SAMSN1: variants seen among roughly 807,000 people sequenced by gnomAD.
SAMSN1 encodes SAM domain-containing protein SAMSN-1.
Under a neutral mutation model 42.0 loss-of-function variants are expected in SAMSN1, and 31 were observed. The ratio of observed to expected loss-of-function variants is 0.74; its 90% CI spans 0.55 to 1.00. The LOEUF is 1.00. SAMSN1 is among the 50% of genes least tolerant of loss of function. The pLI is 0.00. For synonymous variants in SAMSN1, 178 were observed against 151.9 expected (o/e 1.17, Z -1.26); for missense variants, 464 against 439.4 (o/e 1.06, Z -0.50).
upstream of SAMSN1, chr21:14,585,414 C>A (rs1315430522): frequency 6.6e-6 from 1 of 152,202 alleles, no homozygotes; most frequent in Admixed American, 6.5e-5. Context: ...GTCTTCTCTT[C>A]TCCCTTTGTG....
At chr21:14,527,101 A>G (rs1478696110) in intron 1 of SAMSN1, among the ~76,000 whole-genome samples, 2 of 152,000 alleles carry the variant, frequency 1.3e-5, no homozygotes, top group Non-Finnish European at 2.9e-5. Flanking sequence ...AATTACACAC[A>G]CTCTCCCAAC....
intron 2 of SAMSN1, among the ~76,000 whole-genome samples, chr21:14,574,918 A>T (rs2123226198): frequency 6.6e-6 from 1 of 152,132 alleles, no homozygotes; most frequent in Non-Finnish European, 1.5e-5. Context: ...GTCTGGCGAG[A>T]CCTTTTTTCA....
intron 4 of SAMSN1, among the ~76,000 whole-genome samples, chr21:14,511,593 G>C (rs570670488): frequency 1.3e-5 from 2 of 152,278 alleles, no homozygotes; most frequent in South Asian, 4.1e-4. Flanking sequence ...TACATCTTCA[G>C]ATAACAGAAG....
At chr21:14,537,103 C>T (rs1252776140) in intron 1 of SAMSN1, among the ~76,000 whole-genome samples, 5 of 152,216 alleles carry the variant, frequency 3.3e-5, no homozygotes, top group African/African-American at 9.7e-5. Context: ...TCAACACTAG[C>T]TAAAATTATT....
intron 3 of SAMSN1, among the ~76,000 whole-genome samples, chr21:14,515,089 A>T (rs1568779699): frequency 6.6e-6 from 1 of 152,150 alleles, no homozygotes; most frequent in Non-Finnish European, 1.5e-5. Context: ...AGAAAAGTGG[A>T]TGTTTTATAT....
intron 2 of SAMSN1, among the ~76,000 whole-genome samples, chr21:14,580,534 A>G (rs1036742879): frequency 3.3e-5 from 5 of 152,228 alleles, no homozygotes; most frequent in African/African-American, 1.2e-4. Context: ...ACTCTAAGAG[A>G]AAACCTGCAA....
chr21:14,615,994 G>A, exon 3 of SAMSN1: 2 of 586,012 alleles, frequency 3.4e-6, no homozygotes, highest in Admixed American at 2.6e-5. Context: ...TTTTGGTTTT[G>A]CATTCTCTAA....
intron 2 of SAMSN1, among the ~76,000 whole-genome samples, chr21:14,622,420 T>A (rs912533371): frequency 2.0e-5 from 3 of 152,156 alleles, no homozygotes; most frequent in African/African-American, 7.2e-5. Flanking sequence ...TGTAGAGAAG[T>A]CCTTAAATGA....
At chr21:14,642,357 T>A (rs1983616362) in intron 2 of SAMSN1, among the ~76,000 whole-genome samples, 1 of 152,246 alleles carries the variant, frequency 6.6e-6, no homozygotes, top group South Asian at 2.1e-4. Flanking sequence ...TGCCAGTTTG[T>A]AACACTTACC....
At chr21:14,588,637 C>T (rs1981995154) in intron 7 of SAMSN1, among the ~76,000 whole-genome samples, 1 of 152,202 alleles carries the variant, frequency 6.6e-6, no homozygotes, top group Non-Finnish European at 1.5e-5. Context: ...CTCATCCCAT[C>T]TTCTTCAACT....
Position 14,623,555 on chromosome 21 carries a change from C to T in SAMSN1, c.157-7539G>A, listed in dbSNP as rs189602433. Among the ~76,000 whole-genome samples, 59 of 152,280 alleles carry T rather than the reference C, an allele frequency of 3.9e-4. 1 individual carries two copies. Among genetic ancestry groups the T allele is most frequent in the African/African-American group, 1.4e-3 (57 of 41,560 alleles). On this transcript the variant is annotated intron_variant, in intron 2 of 15. Coordinates refer to the SAMSN1 transcript ENST00000647101. ...GACCATTACATAATAGTAAAGGGAT[C>T]AATTCAACAAGAAGAACTAACTATC...
intron 1 of SAMSN1, among the ~76,000 whole-genome samples, chr21:14,649,389 A>G (rs968062328): frequency 6.6e-6 from 1 of 152,056 alleles, no homozygotes; most frequent in African/African-American, 2.4e-5. Context: ...TAACCTGCAC[A>G]TTGTGCACAT....
intron 2 of SAMSN1, among the ~76,000 whole-genome samples, chr21:14,517,262 A>G (rs907341572): frequency 1.3e-5 from 2 of 152,238 alleles, no homozygotes; most frequent in East Asian, 3.8e-4. Flanking sequence ...GTGATGTTAA[A>G]GGACTTGAGC....
rs1364667407 is a variant in SAMSN1 at position 14,618,674 on chromosome 21, G to A, written c.157-2658C>T. 3.3e-5 allele frequency among the ~76,000 whole-genome samples: 3 copies of A among 90,702 alleles called. No individual in the cohort carries two copies. The East Asian group carries it at 1.0e-3, about 30-fold the overall frequency. The allele number at this position is 90,702 out of a possible 152,430, so 59.5% of individuals were successfully genotyped here. On this transcript the variant is annotated intron_variant, in intron 2 of 15. Coordinates refer to the SAMSN1 transcript ENST00000647101. ...GCTGTGTATGTGTGTGTGTGTGTGT[G>A]TGTGTGTGTGTGTGTGTGCGCGCGC...
intron 1 of SAMSN1, among the ~76,000 whole-genome samples, chr21:14,535,673 TATAAG>T (rs1384818937): frequency 6.6e-6 from 1 of 152,182 alleles, no homozygotes. Flanking sequence ...CTGGTGTCCT[TATAAG>T]ATGATGTTTG....
At chr21:14,658,233 A>G (rs1983946761) in intron 1 of SAMSN1, among the ~76,000 whole-genome samples, 1 of 151,874 alleles carries the variant, frequency 6.6e-6, no homozygotes, top group Non-Finnish European at 1.5e-5. Context: ...ACCCTTGAGT[A>G]AGCACATCTC....
chr21:14,486,048 G>A lies in SAMSN1; in HGVS notation c.986C>T (p.Ser329Leu), dbSNP rs1986421128. Residue 329 changes from serine to leucine, a missense_variant, in exon 8 of 8, where the codon TCA becomes TTA. Ser to Leu is a moderately radical substitution (Grantham distance 145, BLOSUM62 -2). Coordinates refer to ENST00000400566, the MANE Select transcript of SAMSN1 (RefSeq NM_022136.5). ...GTCCCTTGGGCAGTCATCTAACTGT[G>A]ACTTATTTAAGGAGATGTCTGAGCT... is the stretch of plus-strand genomic sequence containing the variant. ...SLSSDISLNK[S>L]QLDDCPRDSG... is the part of the protein sequence containing the mutation. 6.2e-7 allele frequency: 1 copy of A among 1,613,550 alleles called. No individual in the cohort carries two copies. Among genetic ancestry groups the A allele is most frequent in the Non-Finnish European group, 8.5e-7 (1 of 1,179,732 alleles).
In SAMSN1 at chr21:14,517,044, A is replaced by G; in HGVS notation, c.130-3T>C. 6.2e-7 allele frequency: 1 copy of G among 1,600,438 alleles called. No individual in the cohort carries two copies. Among genetic ancestry groups the G allele is most frequent in the Non-Finnish European group, 8.5e-7 (1 of 1,175,808 alleles). On this transcript the variant is annotated splice_region_variant and splice_polypyrimidine_tract_variant and intron_variant, in intron 2 of 7. Coordinates refer to ENST00000400566, the MANE Select transcript of SAMSN1 (RefSeq NM_022136.5). ...TTTGTGGGATCTCCTTCATGTGCCT[A>G]GTTTAGAATTGTTTACAAAAGACAA...
At chr21:14,637,423 T>C (rs1983494951) in intron 2 of SAMSN1, among the ~76,000 whole-genome samples, 1 of 152,222 alleles carries the variant, frequency 6.6e-6, no homozygotes, top group East Asian at 1.9e-4. Context: ...ATTTAACCTG[T>C]CTCTCTTTTT....
Sources: gnomAD v4.1 joint callset for allele counts (sites outside exome capture counted in the v4.1 genomes callset) on GRCh38, gnomAD v4.1.1 for gene constraint, MANE v1.5 for transcripts, NCBI Gene and HGNC (gene_info 2026-07-23, HGNC 2026-07-21) for gene names.